The following AKAP6 variants were observed in gnomAD, a reference collection of about 807,000 sequenced individuals.
AKAP6 encodes the protein A-kinase anchor protein 6.
Under a neutral mutation model 188.5 loss-of-function variants are expected in AKAP6, and 58 were observed. That is an observed-to-expected ratio of 0.31 (90% CI 0.25 to 0.38). The LOEUF (loss-of-function observed/expected upper bound fraction) is 0.38, where lower values mean the gene tolerates loss of function less well. Among genes scored for constraint, AKAP6 ranks in the 10% least tolerant of loss-of-function variants. AKAP6 has a pLI of 1.00. For missense variants in AKAP6, 2,710 were observed against 2,740.0 expected (o/e 0.99, Z 0.24); for synonymous variants, 989 against 998.6 (o/e 0.99, Z 0.18).
At chr14:32,400,800 T>C (rs1284472717) in intron 1 of AKAP6, among the ~76,000 whole-genome samples, 1 of 152,168 alleles carries the variant, frequency 6.6e-6, no homozygotes, top group Non-Finnish European at 1.5e-5. Context: ...GCTGCTGTGC[T>C]TCAACTCTAG....
intron 13 of AKAP6, among the ~76,000 whole-genome samples, 200 bp downstream of exon 13, chr14:32,825,015 C>G (rs1594989747): frequency 6.6e-6 from 1 of 151,982 alleles, no homozygotes; most frequent in South Asian, 2.1e-4. Flanking sequence ...AATTGACATT[C>G]TTAGTGACAT....
intron 12 of AKAP6, among the ~76,000 whole-genome samples, chr14:32,819,001 A>G (rs1031941775): frequency 1.3e-5 from 2 of 152,196 alleles, no homozygotes; most frequent in African/African-American, 4.8e-5. Flanking sequence ...CCTACAGCTG[A>G]AGATTTTAAC....
chr14:32,496,866 A>G (rs1880346753), intron 2 of AKAP6, among the ~76,000 whole-genome samples: 1 of 152,178 alleles, frequency 6.6e-6, no homozygotes, highest in Non-Finnish European at 1.5e-5. Flanking sequence ...ATATTCTTAT[A>G]ATTGAAGTAT....
At chr14:32,348,155 A>G (rs1887129116) in intron 1 of AKAP6, among the ~76,000 whole-genome samples, 1 of 152,208 alleles carries the variant, frequency 6.6e-6, no homozygotes, top group Admixed American at 6.5e-5. Flanking sequence ...GAGAAGTTCA[A>G]GGTGGGCCAG....
At chr14:32,744,805 C>A (rs936505666) in intron 11 of AKAP6, among the ~76,000 whole-genome samples, 1 of 151,802 alleles carries the variant, frequency 6.6e-6, no homozygotes, top group Admixed American at 6.6e-5. Context: ...GTTTTTATTC[C>A]TTTTTCTGTT....
At chr14:32,673,629 G>A (rs943628753) in intron 7 of AKAP6, among the ~76,000 whole-genome samples, 1 of 152,162 alleles carries the variant, frequency 6.6e-6, no homozygotes, top group Non-Finnish European at 1.5e-5. Flanking sequence ...CAGCTACTTG[G>A]GAGGCTGAGG....
At chr14:32,554,702 T>A (rs10162356) in intron 4 of AKAP6, among the ~76,000 whole-genome samples, 2,723 of 152,222 alleles carry the variant, frequency 0.018, 71 homozygotes, top group African/African-American at 0.059. Context: ...GGTTGGTAAG[T>A]AGCCACTTGT....
intron 1 of AKAP6, among the ~76,000 whole-genome samples, chr14:32,356,859 A>G (rs901035241): frequency 5.9e-5 from 9 of 152,064 alleles, no homozygotes; most frequent in East Asian, 3.9e-4. Flanking sequence ...GTACTCATCT[A>G]TCAAGATGGG....
chr14:32,717,804 A>G (rs2030306379), intron 9 of AKAP6, among the ~76,000 whole-genome samples: 1 of 152,122 alleles, frequency 6.6e-6, no homozygotes, highest in African/African-American at 2.4e-5. Flanking sequence ...TAAACTGTGA[A>G]CTGTCATTCT....
At chr14:32,443,705 G>A (rs1481533864) in intron 2 of AKAP6, among the ~76,000 whole-genome samples, 1 of 152,116 alleles carries the variant, frequency 6.6e-6, no homozygotes, top group Non-Finnish European at 1.5e-5. Context: ...TGATTTGTTT[G>A]AACTTCTTCA....
chr14:32,733,994 T>C (rs2031304175), intron 10 of AKAP6: 2 of 152,148 alleles, frequency 1.3e-5, no homozygotes, highest in Admixed American at 6.6e-5. Context: ...CATGTATTGC[T>C]TCCTCAACAG....
chr14:32,564,944 T>C (rs1884120828), intron 4 of AKAP6, among the ~76,000 whole-genome samples: 2 of 152,196 alleles, frequency 1.3e-5, no homozygotes. Flanking sequence ...TGAATTCTGT[T>C]TATGTTTAAA....
chr14:32,482,310 T>C (rs1240176143), intron 2 of AKAP6, among the ~76,000 whole-genome samples: 1 of 152,150 alleles, frequency 6.6e-6, no homozygotes, highest in Non-Finnish European at 1.5e-5. Flanking sequence ...TCCTATACTC[T>C]CCCTTTTGTT....
intron 11 of AKAP6, among the ~76,000 whole-genome samples, chr14:32,737,208 G>A (rs2031469095): frequency 6.6e-6 from 1 of 152,070 alleles, no homozygotes; most frequent in Non-Finnish European, 1.5e-5. Context: ...TGACCTTGAG[G>A]AGTTTGATCA....
chr14:32,637,575 G>C (rs1298370627), intron 7 of AKAP6, among the ~76,000 whole-genome samples: 2 of 152,088 alleles, frequency 1.3e-5, no homozygotes, highest in East Asian at 1.9e-4. Flanking sequence ...CAAGAGTCCA[G>C]AAGTAGTGAC....
chr14:32,548,220 G>A (rs1883285514), intron 4 of AKAP6, among the ~76,000 whole-genome samples: 1 of 150,740 alleles, frequency 6.6e-6, no homozygotes, highest in Non-Finnish European at 1.5e-5. Context: ...CCCTGCCTCA[G>A]CCTCTCGTGT....
At chr14:32,336,852 C>T (rs1886718534) in intron 1 of AKAP6, among the ~76,000 whole-genome samples, 1 of 152,186 alleles carries the variant, frequency 6.6e-6, no homozygotes, top group African/African-American at 2.4e-5. Context: ...GAACTCATTA[C>T]AGTCCTCCCC....
chr14:32,457,893 C>G (rs1891197217), intron 2 of AKAP6, among the ~76,000 whole-genome samples: 1 of 152,156 alleles, frequency 6.6e-6, no homozygotes, highest in African/African-American at 2.4e-5. Context: ...CCTAATTTTG[C>G]AAAGCTGACT....
At chr14:32,824,882 G>A in intron 13 of AKAP6, 67 bp downstream of exon 13, 1 of 1,328,610 alleles carries the variant, frequency 7.5e-7, no homozygotes. Context: ...AACCATGGCA[G>A]GAGAAAAGGC....
Sources: allele counts gnomAD v4.1 joint callset (sites outside exome capture counted in the v4.1 genomes callset), GRCh38; gene constraint gnomAD v4.1.1; transcripts MANE v1.5; gene names NCBI Gene and HGNC (gene_info 2026-07-23, HGNC 2026-07-21).